Variants in DLGAP2 observed in about 807,000 individuals in gnomAD.
DLGAP2 encodes disks large-associated protein 2.
Under a neutral mutation model 100.3 loss-of-function variants are expected in DLGAP2, and 26 were observed. The observed-to-expected ratio is 0.26, with a 90% CI of 0.19 to 0.36. The LOEUF is 0.36. DLGAP2 is among the 10% of genes least tolerant of loss of function. The pLI is 1.00. For synonymous variants in DLGAP2, 886 were observed against 630.1 expected (o/e 1.41, Z -6.08); for missense variants, 1,858 against 1,453.2 (o/e 1.28, Z -4.53).
At chr8:1,482,977 C>G (rs574383600) in intron 3 of DLGAP2, among the ~76,000 whole-genome samples, 5 of 152,378 alleles carry the variant, frequency 3.3e-5, no homozygotes, top group South Asian at 2.1e-4. Flanking sequence ...CCTCACGTCC[C>G]GTGCTCGGGC....
rs1021572282 is a variant in DLGAP2, at chr8:1,428,805, C to G, written c.107-72561C>G. ...TATCAGTGCATGTGCTGCACACCCA[C>G]ATGGGAGAGCCTTAAACAAAATCTG... is the stretch of plus-strand genomic sequence containing the variant. On this transcript the variant is annotated intron_variant, in intron 3 of 14. Transcript: ENST00000637795. 2.0e-5 allele frequency among the ~76,000 whole-genome samples: 3 copies of G among 152,206 alleles called. No homozygotes were observed. The South Asian group carries it at 6.2e-4, about 32-fold the overall frequency.
At chr8:1,181,916 C>T (rs955520879) in intron 2 of DLGAP2, among the ~76,000 whole-genome samples, 1 of 152,194 alleles carries the variant, frequency 6.6e-6, no homozygotes, top group African/African-American at 2.4e-5. Context: ...TCTCCTGTTC[C>T]TTGTCTGTGA....
intron 8 of DLGAP2, among the ~76,000 whole-genome samples, chr8:1,640,733 C>T (rs953380698): frequency 1.3e-5 from 2 of 152,128 alleles, no homozygotes; most frequent in Admixed American, 6.5e-5. Context: ...GACCGTCAAA[C>T]GCTAAAAACA....
At chr8:1,243,554 C>T (rs994287653) in intron 2 of DLGAP2, among the ~76,000 whole-genome samples, 2 of 152,094 alleles carry the variant, frequency 1.3e-5, no homozygotes, top group East Asian at 1.9e-4. Flanking sequence ...TTTTTCTTCT[C>T]GCTCACGATA....
chr8:998,227 C>T (rs772487255), intron 2 of DLGAP2, among the ~76,000 whole-genome samples: 8 of 152,360 alleles, frequency 5.3e-5, no homozygotes, highest in African/African-American at 7.2e-5. Flanking sequence ...CATGCACACA[C>T]GGGTTGGCAC....
chr8:1,662,276 C>T (rs918707872), intron 8 of DLGAP2, among the ~76,000 whole-genome samples: 7 of 152,320 alleles, frequency 4.6e-5, no homozygotes, highest in East Asian at 3.9e-4. Context: ...CTGGCTTAAG[C>T]CCATTAGTTA....
intron 1 of DLGAP2, among the ~76,000 whole-genome samples, chr8:829,572 G>A (rs1210407655): frequency 6.6e-6 from 1 of 152,166 alleles, no homozygotes; most frequent in Non-Finnish European, 1.5e-5. Context: ...CTTATTCAGA[G>A]CTTTGCTTCT....
At chr8:1,680,793 T>C (rs1454280288) in intron 12 of DLGAP2, 1 of 152,222 alleles carries the variant, frequency 6.6e-6, no homozygotes, top group East Asian at 1.9e-4. Context: ...CTTGGCCAAA[T>C]TGTCTTAATT....
intron 1 of DLGAP2, among the ~76,000 whole-genome samples, chr8:897,494 A>T (rs1369319190): frequency 6.6e-6 from 1 of 152,206 alleles, no homozygotes; most frequent in Non-Finnish European, 1.5e-5. Flanking sequence ...TGTTGTGCAG[A>T]CTAGCTGGAC....
chr8:1,170,130 A>G (rs558143729), intron 2 of DLGAP2, among the ~76,000 whole-genome samples: 2 of 152,270 alleles, frequency 1.3e-5, no homozygotes, highest in African/African-American at 2.4e-5. Flanking sequence ...TTCTGCGTCT[A>G]TTAAGATAAT....
At chr8:1,151,059 A>G (rs1227798929) in intron 2 of DLGAP2, among the ~76,000 whole-genome samples, 2 of 152,148 alleles carry the variant, frequency 1.3e-5, no homozygotes, top group South Asian at 2.1e-4. Flanking sequence ...TTCTTTTTTC[A>G]TTGAAAACGA....
At chr8:1,669,705 A>G in intron 9 of DLGAP2, 38 bp from the exon 10 acceptor site, 1 of 780,810 alleles carries the variant, frequency 1.3e-6, no homozygotes, top group Non-Finnish European at 2.4e-6. Flanking sequence ...GGGCCTCCGA[A>G]CCAGGTCTCC....
intron 5 of DLGAP2, among the ~76,000 whole-genome samples, chr8:1,561,115 A>C (rs1372433659): frequency 2.6e-5 from 4 of 152,006 alleles, no homozygotes; most frequent in African/African-American, 9.7e-5. Flanking sequence ...ATGGTTTTTT[A>C]AAAGGGAGTT....
intron 1 of DLGAP2, among the ~76,000 whole-genome samples, chr8:751,447 C>T (rs1034855739): frequency 7.2e-5 from 11 of 152,238 alleles, no homozygotes; most frequent in Non-Finnish European, 1.5e-5. Flanking sequence ...TCGGCCGTCT[C>T]GTGACTCTGT....
At chr8:1,344,033 A>G (rs368172295) in intron 3 of DLGAP2, among the ~76,000 whole-genome samples, 9 of 148,528 alleles carry the variant, frequency 6.1e-5, no homozygotes, top group African/African-American at 2.0e-4. Flanking sequence ...GTTCATTCAC[A>G]GAATAAACAG....
chr8:1,332,007 C>T (rs1801168108), intron 3 of DLGAP2, among the ~76,000 whole-genome samples: 1 of 152,222 alleles, frequency 6.6e-6, no homozygotes, highest in Non-Finnish European at 1.5e-5. Flanking sequence ...GCTGGCAGCA[C>T]ACGGCAGCGC....
At chr8:1,384,998 AC>A (rs1426868754) in intron 3 of DLGAP2, among the ~76,000 whole-genome samples, 4 of 88,090 alleles carry the variant, frequency 4.5e-5, no homozygotes, top group Non-Finnish European at 6.7e-5. Context: ...GTGCACAGTT[AC>A]CCCGGCCTAT....
At chr8:1,417,727 A>ACGGGGAGGCCACACT in intron 3 of DLGAP2, among the ~76,000 whole-genome samples, 1 of 111,584 alleles carries the variant, frequency 9.0e-6, no homozygotes, top group Non-Finnish European at 2.0e-5. Context: ...GAGGCTCCAG[A>ACGGGGAGGCCACACT]CACAGAAGCC....
At chr8:1,432,621 A>T (rs557577557) in intron 3 of DLGAP2, among the ~76,000 whole-genome samples, 2 of 152,202 alleles carry the variant, frequency 1.3e-5, no homozygotes, top group Non-Finnish European at 2.9e-5. Flanking sequence ...CTTTTAAGTT[A>T]ATTGTAAAAA....
Sources: gnomAD v4.1 joint callset for allele counts (sites outside exome capture counted in the v4.1 genomes callset) on GRCh38, gnomAD v4.1.1 for gene constraint, MANE v1.5 for transcripts, NCBI Gene and HGNC (gene_info 2026-07-23, HGNC 2026-07-21) for gene names.